RELCH: variants seen among roughly 807,000 people sequenced by gnomAD.
RELCH encodes RAB11-binding protein RELCH.
RELCH carries 41 observed loss-of-function variants against 150.3 expected under a neutral mutation model. The ratio of observed to expected loss-of-function variants is 0.27; its 90% CI spans 0.21 to 0.35. The LOEUF (loss-of-function observed/expected upper bound fraction) is 0.35. RELCH is among the 10% of genes least tolerant of loss of function. The pLI is 1.00. For synonymous variants in RELCH, 478 were observed against 531.8 expected, an observed-to-expected ratio of 0.90 and a Z score of 1.39; for missense variants, 1,092 against 1,467.8, an observed-to-expected ratio of 0.74 and a Z score of 4.18.
chr18:62,246,220 T>C (rs2042405414), intron 11 of RELCH: 1 of 152,216 alleles, frequency 6.6e-6, no homozygotes, highest in Admixed American at 6.5e-5. Context: ...ACTTTCTATC[T>C]TTTTAAGAAT....
intron 26 of RELCH, among the ~76,000 whole-genome samples, chr18:62,289,811 A>G (rs1253222811): frequency 6.6e-6 from 1 of 152,220 alleles, no homozygotes; most frequent in Non-Finnish European, 1.5e-5. Context: ...ATCCATAGGG[A>G]AAAGGTAGGC....
intron 27 of RELCH, among the ~76,000 whole-genome samples, chr18:62,298,393 C>T (rs2045517569): frequency 6.6e-6 from 1 of 152,054 alleles, no homozygotes; most frequent in Non-Finnish European, 1.5e-5. Context: ...TTGCTTTTTG[C>T]AACCTGGAGA....
At chr18:62,269,056 TTTAC>T (rs1414155226) in intron 20 of RELCH, 108 bp downstream of exon 20, 1 of 466,608 alleles carries the variant, frequency 2.1e-6, no homozygotes, top group African/African-American at 2.1e-5. Flanking sequence ...AGAAAAACAA[TTTAC>T]TTATTTTATT....
chr18:62,246,371 C>T (rs1342694480), intron 11 of RELCH: 3 of 152,104 alleles, frequency 2.0e-5, no homozygotes, highest in Non-Finnish European at 4.4e-5. Flanking sequence ...CAGTGAGATT[C>T]TCCCAACTGA....
At chr18:62,291,233 T>C (rs1295467912) in intron 26 of RELCH, among the ~76,000 whole-genome samples, 1 of 152,256 alleles carries the variant, frequency 6.6e-6, no homozygotes. Flanking sequence ...TTCATATTCA[T>C]TGAAACATCT....
Position 62,208,930 on chromosome 18 carries a change from G to C in RELCH, c.527-2223G>C, listed in dbSNP as rs562989957. 1.2e-4 allele frequency among the ~76,000 whole-genome samples: 18 copies of C among 152,228 alleles called. No homozygotes were observed. The East Asian group carries it at 3.3e-3, about 28-fold the overall frequency. ...GTATTGGCAGTTCTGGAGGTTTTAG[G>C]CTCTAGGGGAAGCCTTTTCCAGGTC... is the stretch of plus-strand genomic sequence containing the variant. On this transcript the variant is annotated intron_variant, in intron 1 of 28. Transcript: ENST00000644646.
At chr18:62,250,208 T>C (rs2148525772) in intron 11 of RELCH, among the ~76,000 whole-genome samples, 1 of 152,322 alleles carries the variant, frequency 6.6e-6, no homozygotes, top group South Asian at 2.1e-4. Context: ...AAATTTTCAA[T>C]ATTAACTCTT....
chr18:62,204,522 A>G (rs1412358295), intron 1 of RELCH, among the ~76,000 whole-genome samples: 3 of 151,920 alleles, frequency 2.0e-5, no homozygotes, highest in Admixed American at 6.6e-5. Flanking sequence ...TGTAGAGACA[A>G]TGTCTCACTA....
chr18:62,283,982 A>G (rs2044660056), intron 25 of RELCH, among the ~76,000 whole-genome samples: 1 of 152,156 alleles, frequency 6.6e-6, no homozygotes, highest in South Asian at 2.1e-4. Context: ...GTGCCGTGTC[A>G]TATAGTTAAA....
intron 12 of RELCH, chr18:62,254,823 A>T (rs554688274): frequency 6.6e-5 from 10 of 152,206 alleles, no homozygotes; most frequent in Non-Finnish European, 1.5e-4. Context: ...AGTATGTGTC[A>T]TTTTTTTTGT....
intron 14 of RELCH, 111 bp downstream of exon 14, chr18:62,258,199 T>C (rs1225005773): frequency 2.8e-6 from 3 of 1,061,366 alleles, no homozygotes; most frequent in Non-Finnish European, 4.0e-6. Context: ...ATGGCAGGTA[T>C]GTCAACTTTA....
intron 10 of RELCH, among the ~76,000 whole-genome samples, chr18:62,234,295 T>C (rs1458818452): frequency 6.6e-6 from 1 of 151,400 alleles, no homozygotes; most frequent in African/African-American, 2.4e-5. Flanking sequence ...GAGTTGTTGG[T>C]TTTTTGTTTT....
intron 10 of RELCH, among the ~76,000 whole-genome samples, chr18:62,240,216 T>C (rs1213357612): frequency 1.3e-5 from 2 of 152,004 alleles, no homozygotes; most frequent in Non-Finnish European, 2.9e-5. Context: ...CAGATATTTT[T>C]ATATTGCTTA....
intron 18 of RELCH, among the ~76,000 whole-genome samples, chr18:62,265,686 A>G (rs1275263037): frequency 2.0e-5 from 3 of 151,990 alleles, no homozygotes; most frequent in African/African-American, 7.2e-5. Context: ...TTATGGTCCT[A>G]TTATCTGTTG....
rs559421940 is a variant in RELCH, at chr18:62,309,714, G to A, written c.*4180G>A. On this transcript the variant is annotated 3_prime_UTR_variant, in exon 29 of 29. Coordinates refer to ENST00000644646, the MANE Select transcript of RELCH (RefSeq NM_001346231.2). ...AATTCTGTCCCCCGCATATCTACAT[G>A]GAGAACTATATTACTATTTTAATTC... is the stretch of plus-strand genomic sequence containing the variant. The A allele has an allele frequency of 3.9e-5, 6 of 152,240 alleles. No individual in the cohort carries two copies. The South Asian group carries it at 1.0e-3, about 26-fold the overall frequency. 9.4% of individuals were successfully genotyped at this position (152,240 alleles called of 1,614,324 possible).
chr18:62,240,211 A>C (rs1487642244), intron 10 of RELCH, among the ~76,000 whole-genome samples: 3 of 151,920 alleles, frequency 2.0e-5, no homozygotes, highest in Non-Finnish European at 4.4e-5. Context: ...TGGAACAGAT[A>C]TTTTTATATT....
At chr18:62,264,262 A>G (rs1485634870) in intron 17 of RELCH, 117 bp downstream of exon 17, 1 of 755,998 alleles carries the variant, frequency 1.3e-6, no homozygotes, top group African/African-American at 1.9e-5. Context: ...TTTTTGGTAA[A>G]CACCTTTAGG....
Position 62,234,020 on chromosome 18 carries a change from A to T in RELCH, c.1620+1593A>T, listed in dbSNP as rs369257662. 2.0e-4 allele frequency among the ~76,000 whole-genome samples: 31 copies of T among 151,968 alleles called. No individual in the cohort carries two copies. The East Asian group carries it at 3.7e-3, about 18-fold the overall frequency. ...AATTAAAAAATATATATTTCATGAA[A>T]AACTGATCATCTATCTTTGTTCATT... On this transcript the variant is annotated intron_variant, in intron 10 of 28. Transcript: ENST00000644646.
chr18:62,191,450 A>G (rs1026580359), intron 1 of RELCH, among the ~76,000 whole-genome samples: 11 of 152,134 alleles, frequency 7.2e-5, no homozygotes, highest in Non-Finnish European at 1.0e-4. Context: ...CTTCCAGGGT[A>G]CATGTGCAGG....
Sources: gnomAD v4.1 joint callset for allele counts (sites outside exome capture counted in the v4.1 genomes callset) on GRCh38, gnomAD v4.1.1 for gene constraint, MANE v1.5 for transcripts, NCBI Gene and HGNC (gene_info 2026-07-23, HGNC 2026-07-21) for gene names.